ARIH1: variants seen among roughly 807,000 people sequenced by gnomAD.
ARIH1 encodes the protein E3 ubiquitin-protein ligase ARIH1.
Under a neutral mutation model 85.0 loss-of-function variants are expected in ARIH1, and 8 were observed. The ratio of observed to expected loss-of-function variants is 0.09; its 90% CI spans 0.06 to 0.17. The LOEUF is 0.17. Among genes scored for constraint, ARIH1 ranks in the 10% least tolerant of loss-of-function variants. ARIH1 has a pLI of 1.00. For missense variants in ARIH1, 311 were observed against 718.1 expected (o/e 0.43, Z 6.48); for synonymous variants, 238 against 253.6 (o/e 0.94, Z 0.59).
At chr15:72,509,679 A>G (rs188116903) in intron 1 of ARIH1, among the ~76,000 whole-genome samples, 280 of 152,146 alleles carry the variant, frequency 1.8e-3, no homozygotes, top group African/African-American at 6.6e-3. Context: ...GCCTTGTGCT[A>G]CTGGACTCAA....
Position 72,529,741 on chromosome 15 carries a change from AT to A in ARIH1, c.443+11610del, listed in dbSNP as rs1018824934. On this transcript the variant is annotated intron_variant, in intron 2 of 13. Coordinates refer to ENST00000379887, the MANE Select transcript of ARIH1 (RefSeq NM_005744.5). ...GCAGAAGTGATATGGGAACCTGGGT[AT>A]TTAAGGCTCAGAAAACAAAACTAAG... Among the ~76,000 whole-genome samples the A allele has an allele frequency of 6.1e-4, 93 of 152,304 alleles. 1 individual carries two copies. The highest frequency in any genetic ancestry group is 2.0e-3 in the African/African-American group (85 of 41,570).
At chr15:72,576,156 T>C (rs1355724928) in intron 11 of ARIH1, among the ~76,000 whole-genome samples, 1 of 151,956 alleles carries the variant, frequency 6.6e-6, no homozygotes, top group African/African-American at 2.4e-5. Flanking sequence ...CTTTAAAACA[T>C]GGGGAGAGAA....
intron 6 of ARIH1, among the ~76,000 whole-genome samples, chr15:72,562,469 A>T (rs1050866779): frequency 1.3e-5 from 2 of 152,166 alleles, no homozygotes; most frequent in South Asian, 4.1e-4. Context: ...GAAATAGTGT[A>T]TTATTTGAAA....
At chr15:72,524,642 C>T (rs2064019083) in intron 2 of ARIH1, among the ~76,000 whole-genome samples, 1 of 152,138 alleles carries the variant, frequency 6.6e-6, no homozygotes, top group Non-Finnish European at 1.5e-5. Flanking sequence ...CCACTCCTTC[C>T]CCAAAAAGTA....
intron 1 of ARIH1, among the ~76,000 whole-genome samples, chr15:72,509,362 C>CT (rs1233434356): frequency 6.6e-6 from 1 of 152,086 alleles, no homozygotes; most frequent in Non-Finnish European, 1.5e-5. Context: ...TAGTTGAATA[C>CT]TTTAAGTTTC....
chr15:72,531,870 C>G (rs1021633147), intron 2 of ARIH1, among the ~76,000 whole-genome samples: 5 of 152,104 alleles, frequency 3.3e-5, no homozygotes, highest in Non-Finnish European at 2.9e-5. Flanking sequence ...TTAAAGCCAA[C>G]CAACATTTTG....
intron 2 of ARIH1, among the ~76,000 whole-genome samples, chr15:72,531,021 A>G (rs772543760): frequency 4.6e-5 from 7 of 152,208 alleles, no homozygotes; most frequent in Admixed American, 1.3e-4. Context: ...TTGAAGAAAC[A>G]TAACAGTTCC....
intron 1 of ARIH1, among the ~76,000 whole-genome samples, chr15:72,512,294 A>G (rs1381379607): frequency 2.0e-5 from 3 of 151,836 alleles, no homozygotes; most frequent in Non-Finnish European, 4.4e-5. Context: ...TGTGCAAGAG[A>G]GTTAATTACA....
chr15:72,583,224 C>T lies in ARIH1; in HGVS notation c.1606C>T (p.Arg536Ter). The part of the protein sequence containing the change: ...QDKYRYCESR[R>*]RVLLQHVHEG... ...TGATTACAGATACTGTGAGAGTCGA[C>T]GAAGGGTTTTGTTACAGCATGTGCA... The change falls in exon 14 of 14, where the codon CGA becomes TGA. Residue 536 changes from arginine (R) to a stop codon, truncating the protein, a stop_gained. Coordinates refer to ENST00000379887, the MANE Select transcript of ARIH1 (RefSeq NM_005744.5). LOFTEE classifies it high-confidence loss of function. 1 of 1,609,608 alleles carries T rather than the reference C, an allele frequency of 6.2e-7. No individual in the cohort carries two copies. The highest frequency in any genetic ancestry group is 8.5e-7 in the Non-Finnish European group (1 of 1,177,974).
At chr15:72,523,520 T>TG (rs1052185953) in intron 2 of ARIH1, among the ~76,000 whole-genome samples, 9 of 151,494 alleles carry the variant, frequency 5.9e-5, no homozygotes, top group African/African-American at 1.9e-4. Flanking sequence ...AGCACAGTTT[T>TG]TTTTTTTTTT....
At chr15:72,547,218 C>CCGGT (rs2064133385) in intron 3 of ARIH1, among the ~76,000 whole-genome samples, 1 of 126,232 alleles carries the variant, frequency 7.9e-6, no homozygotes, top group African/African-American at 2.8e-5. Flanking sequence ...TGAGCCACCG[C>CCGGT]GCCTGGCCTC....
intron 2 of ARIH1, among the ~76,000 whole-genome samples, chr15:72,520,190 G>A (rs1325025233): frequency 6.6e-6 from 1 of 152,130 alleles, no homozygotes; most frequent in African/African-American, 2.4e-5. Context: ...GTATGTGAAC[G>A]TTTCAGTTTC....
At chr15:72,535,411 A>G (rs999400410) in intron 2 of ARIH1, among the ~76,000 whole-genome samples, 7 of 152,354 alleles carry the variant, frequency 4.6e-5, no homozygotes, top group South Asian at 2.1e-4. Flanking sequence ...TGACATTACA[A>G]CTAACTAGCA....
chr15:72,516,183 C>A (rs1194814842), intron 1 of ARIH1, among the ~76,000 whole-genome samples: 1 of 152,098 alleles, frequency 6.6e-6, no homozygotes, highest in Non-Finnish European at 1.5e-5. Flanking sequence ...AGTTGAGGCT[C>A]TTAACAATTC....
intron 11 of ARIH1, among the ~76,000 whole-genome samples, chr15:72,575,317 G>T (rs139132027): frequency 6.6e-6 from 1 of 152,190 alleles, no homozygotes; most frequent in East Asian, 1.9e-4. Flanking sequence ...AGTGGCTCAC[G>T]CCTGCAATCC....
chr15:72,570,009 A>T (rs1303896033), intron 9 of ARIH1, among the ~76,000 whole-genome samples, 168 bp from the exon 10 acceptor site: 1 of 152,206 alleles, frequency 6.6e-6, no homozygotes, highest in African/African-American at 2.4e-5. Context: ...GTAACAGCTC[A>T]TTTTAAATAG....
At chr15:72,504,274 C>T (rs922003183) in intron 1 of ARIH1, among the ~76,000 whole-genome samples, 6 of 152,024 alleles carry the variant, frequency 3.9e-5, no homozygotes, top group African/African-American at 1.4e-4. Context: ...AGGCTGGACT[C>T]GAGCTTCTGA....
intron 3 of ARIH1, among the ~76,000 whole-genome samples, chr15:72,548,750 C>T (rs2064140495): frequency 6.6e-6 from 1 of 152,194 alleles, no homozygotes; most frequent in African/African-American, 2.4e-5. Context: ...TCTTCACTTA[C>T]ATTGTATAAC....
At chr15:72,561,663 C>A in intron 6 of ARIH1, 114 bp downstream of exon 6, 1 of 677,246 alleles carries the variant, frequency 1.5e-6, no homozygotes, top group Non-Finnish European at 2.4e-6. Context: ...ATTTATGAAG[C>A]ATGCCAAAAT....
Sources: gnomAD v4.1 joint callset for allele counts (sites outside exome capture counted in the v4.1 genomes callset) on GRCh38, gnomAD v4.1.1 for gene constraint, MANE v1.5 for transcripts, NCBI Gene and HGNC (gene_info 2026-07-23, HGNC 2026-07-21) for gene names.